The following MACROD2 variants were observed in gnomAD, a reference collection of about 807,000 sequenced individuals.
The protein encoded by MACROD2 is mono-ADP ribosylhydrolase 2.
MACROD2 carries 36 observed loss-of-function variants against 70.4 expected under a neutral mutation model. The observed-to-expected ratio is 0.51, with a 90% CI of 0.39 to 0.68. MACROD2 has a LOEUF of 0.68. Ranked by LOEUF, MACROD2 falls within the 30% of genes least tolerant of loss-of-function variation. The probability of loss-of-function intolerance (pLI) is 0.00; values close to 1 mark genes in which losing one functional copy is unlikely to be tolerated. For synonymous variants in MACROD2, 172 were observed against 178.8 expected (o/e 0.96, Z 0.30); for missense variants, 496 against 538.4 (o/e 0.92, Z 0.78).
At chr20:14,834,650 CA>C (rs1209051902) in intron 5 of MACROD2, among the ~76,000 whole-genome samples, 1 of 151,976 alleles carries the variant, frequency 6.6e-6, no homozygotes, top group African/African-American at 2.4e-5. Flanking sequence ...GTAAAATCTA[CA>C]ATGGGTACTA....
intron 6 of MACROD2, among the ~76,000 whole-genome samples, chr20:15,278,246 T>C (rs1260077436): frequency 6.6e-6 from 1 of 152,122 alleles, no homozygotes; most frequent in African/African-American, 2.4e-5. Flanking sequence ...GACTTAGGGA[T>C]AGGTTATGAG....
intron 5 of MACROD2, among the ~76,000 whole-genome samples, chr20:15,149,916 G>A (rs1252757885): frequency 6.6e-6 from 1 of 151,952 alleles, no homozygotes; most frequent in Non-Finnish European, 1.5e-5. Context: ...AGTGGGGAAA[G>A]GATTTAGGAT....
At chr20:15,613,344 T>G (rs563123291) in intron 8 of MACROD2, among the ~76,000 whole-genome samples, 1 of 152,238 alleles carries the variant, frequency 6.6e-6, no homozygotes, top group Non-Finnish European at 1.5e-5. Flanking sequence ...GGCAGCATTA[T>G]ATTTTGGCAT....
intron 4 of MACROD2, among the ~76,000 whole-genome samples, chr20:14,562,224 C>T (rs1979482939): frequency 6.6e-6 from 1 of 151,786 alleles, no homozygotes; most frequent in Admixed American, 6.6e-5. Flanking sequence ...ATCTCGTCTA[C>T]ATGGAAAGAG....
chr20:15,464,318 T>A (rs559179845), intron 7 of MACROD2, among the ~76,000 whole-genome samples: 1 of 152,258 alleles, frequency 6.6e-6, no homozygotes, highest in African/African-American at 2.4e-5. Flanking sequence ...GCCTGACCCA[T>A]CTAACTGGCT....
At chr20:14,360,402 A>G (rs75491134) in intron 3 of MACROD2, among the ~76,000 whole-genome samples, 2,171 of 152,320 alleles carry the variant, frequency 0.014, 15 homozygotes, top group African/African-American at 0.022. Context: ...TTAAAAAACA[A>G]GTAATGTTTT....
chr20:15,025,340 C>T (rs1483967824), intron 5 of MACROD2, among the ~76,000 whole-genome samples: 6 of 152,068 alleles, frequency 3.9e-5, no homozygotes. Context: ...TGTCTACCTC[C>T]TTGCTTCAGA....
At position 15,046,559 on chromosome 20, in the gene MACROD2, G is replaced by T. The variant is rs143519810; in HGVS notation, c.419-183381G>T. Among the ~76,000 whole-genome samples, 14 of 152,324 alleles carry T rather than the reference G, an allele frequency of 9.2e-5. No individual in the cohort carries two copies. The East Asian group carries it at 2.7e-3, about 29-fold the overall frequency. On this transcript the variant is annotated intron_variant, in intron 5 of 17. Transcript: ENST00000684519. Reference sequence around the variant, plus strand: ...TAGGTATGTGTGCGCACACACACATGCATGTATGTATTAAGAAAGGAGTTA... The same window carrying T: ...TAGGTATGTGTGCGCACACACACATTCATGTATGTATTAAGAAAGGAGTTA...
chr20:14,156,847 G>A (rs932174599), intron 3 of MACROD2, among the ~76,000 whole-genome samples: 12 of 152,130 alleles, frequency 7.9e-5, no homozygotes, highest in African/African-American at 2.9e-4. Context: ...AAACTACTTT[G>A]CAATAGTCAA....
chr20:15,350,224 C>T (rs2078212877), intron 6 of MACROD2, among the ~76,000 whole-genome samples: 1 of 152,142 alleles, frequency 6.6e-6, no homozygotes, highest in African/African-American at 2.4e-5. Flanking sequence ...GGTTGCTAGT[C>T]TTCAATAAGG....
At chr20:14,106,900 C>T (rs1209939776) in intron 3 of MACROD2, among the ~76,000 whole-genome samples, 1 of 152,124 alleles carries the variant, frequency 6.6e-6, no homozygotes, top group African/African-American at 2.4e-5. Flanking sequence ...CCTTTGAATA[C>T]CTGGAAAGTC....
At chr20:15,824,352 A>G (rs1261777203) in intron 8 of MACROD2, among the ~76,000 whole-genome samples, 1 of 152,124 alleles carries the variant, frequency 6.6e-6, no homozygotes, top group Non-Finnish European at 1.5e-5. Flanking sequence ...ATGCTATTTT[A>G]AGATATGGTT....
At chr20:15,721,453 T>G (rs999500089) in intron 8 of MACROD2, among the ~76,000 whole-genome samples, 1 of 152,222 alleles carries the variant, frequency 6.6e-6, no homozygotes, top group African/African-American at 2.4e-5. Flanking sequence ...TCTTGATCTC[T>G]GTTGTTTTTG....
At chr20:15,227,563 A>C (rs1000913730) in intron 5 of MACROD2, among the ~76,000 whole-genome samples, 1 of 152,182 alleles carries the variant, frequency 6.6e-6, no homozygotes, top group Non-Finnish European at 1.5e-5. Flanking sequence ...GCAGTGGGGA[A>C]GGGGCTAAAA....
intron 4 of MACROD2, among the ~76,000 whole-genome samples, chr20:14,605,066 A>G (rs1010058992): frequency 1.3e-5 from 2 of 152,188 alleles, no homozygotes; most frequent in African/African-American, 4.8e-5. Context: ...ATAACACTTT[A>G]ATCTCTTCAA....
chr20:14,852,195 C>T (rs971880958), intron 5 of MACROD2, among the ~76,000 whole-genome samples: 4 of 151,890 alleles, frequency 2.6e-5, no homozygotes, highest in African/African-American at 4.8e-5. Flanking sequence ...GCAGTCTGGC[C>T]GATGTGAGAT....
chr20:14,639,068 C>T (rs1195880962), intron 4 of MACROD2, among the ~76,000 whole-genome samples: 3 of 152,054 alleles, frequency 2.0e-5, no homozygotes, highest in Admixed American at 2.0e-4. Flanking sequence ...TTATATCCAG[C>T]CTCACATTTT....
intron 4 of MACROD2, among the ~76,000 whole-genome samples, chr20:14,671,395 G>T (rs1219856267): frequency 6.6e-6 from 1 of 152,050 alleles, no homozygotes; most frequent in East Asian, 1.9e-4. Flanking sequence ...TTTTCCAAGA[G>T]ATTTTAAGGG....
At chr20:15,551,338 A>T (rs753207160) in intron 8 of MACROD2, among the ~76,000 whole-genome samples, 26 of 77,252 alleles carry the variant, frequency 3.4e-4, no homozygotes, top group South Asian at 5.1e-4. Context: ...TTTAATATTT[A>T]AAAAAAAAAA....
Sources: gnomAD v4.1 joint callset for allele counts (sites outside exome capture counted in the v4.1 genomes callset) on GRCh38, gnomAD v4.1.1 for gene constraint, MANE v1.5 for transcripts, NCBI Gene and HGNC (gene_info 2026-07-23, HGNC 2026-07-21) for gene names.